TMEM178A: variants seen among roughly 807,000 people sequenced by gnomAD.
TMEM178A encodes transmembrane protein 178.
In TMEM178A, 12 loss-of-function variants were observed where a neutral mutation model predicts 29.1. The observed-to-expected ratio is 0.41, with a 90% CI of 0.26 to 0.67. TMEM178A has a LOEUF of 0.67. Ranked by LOEUF, TMEM178A falls within the 30% of genes least tolerant of loss-of-function variation. The pLI is 0.29. For synonymous variants in TMEM178A, 210 were observed against 187.2 expected, an observed-to-expected ratio of 1.12 and a Z score of -0.99; for missense variants, 366 against 419.1, an observed-to-expected ratio of 0.87 and a Z score of 1.11.
At chr2:39,712,044 TGTG>T (rs1205727446) in intron 3 of TMEM178A, among the ~76,000 whole-genome samples, 5 of 136,346 alleles carry the variant, frequency 3.7e-5, no homozygotes, top group African/African-American at 1.8e-4. Flanking sequence ...TTGCATTTTG[TGTG>T]TGTGTGTGTG....
At chr2:39,690,390 G>C (rs768260388) in intron 1 of TMEM178A, among the ~76,000 whole-genome samples, 2 of 152,188 alleles carry the variant, frequency 1.3e-5, no homozygotes, top group Non-Finnish European at 2.9e-5. Flanking sequence ...CTCAACTCTG[G>C]GATGCAGAGA....
chr2:39,725,138 T>C, the TMEM178A span, among the ~76,000 whole-genome samples: 1 of 151,952 alleles, frequency 6.6e-6, no homozygotes, highest in Admixed American at 6.5e-5. Flanking sequence ...GAAATGAAGA[T>C]GAGGAAAGAC....
Position 39,669,492 on chromosome 2 carries a change from C to T in TMEM178A, c.400+3118C>T, listed in dbSNP as rs543744623. Reference sequence around the variant, plus strand: ...ACTGGAGCTAGAAAAGCATTTATCTCAATGGGACAAGTATTTGGGAGAATC... The same window carrying T: ...ACTGGAGCTAGAAAAGCATTTATCTTAATGGGACAAGTATTTGGGAGAATC... On this transcript the variant is annotated intron_variant, in intron 1 of 3. Transcript: ENST00000281961. 2.0e-5 allele frequency among the ~76,000 whole-genome samples: 3 copies of T among 152,276 alleles called. No homozygotes were observed. In the South Asian group the frequency reaches 6.2e-4, roughly 32 times the overall value.
chr2:39,665,657 G>C, upstream of TMEM178A: 1 of 292,330 alleles, frequency 3.4e-6, no homozygotes, highest in African/African-American at 2.3e-5. Flanking sequence ...AGAGGGGCGA[G>C]AGGAGTGCGC....
chr2:39,708,870 C>T (rs922136402), intron 3 of TMEM178A, among the ~76,000 whole-genome samples: 2 of 152,198 alleles, frequency 1.3e-5, no homozygotes, highest in African/African-American at 4.8e-5. Flanking sequence ...AGAAATCTTT[C>T]CTTTCTTCTC....
At chr2:39,690,048 C>T (rs757426306) in intron 1 of TMEM178A, among the ~76,000 whole-genome samples, 12 of 152,180 alleles carry the variant, frequency 7.9e-5, no homozygotes, top group Non-Finnish European at 1.6e-4. Context: ...GTCCAAGATG[C>T]TCGCTTCTGC....
rs142168237 is a variant in TMEM178A, at chr2:39,702,243, A to G, written c.401-1838A>G. On this transcript the variant is annotated intron_variant, in intron 1 of 3. Transcript: ENST00000281961. The stretch of plus-strand genomic sequence containing the variant: ...TTAGTGACTTTCCTGAACGAATCCT[A>G]TGAAGTCTATATTCTTTGTCATAGG... 2.8e-3 allele frequency among the ~76,000 whole-genome samples: 420 copies of G among 152,222 alleles called. 4 individuals carry two copies. The highest frequency in any genetic ancestry group is 9.5e-3 in the African/African-American group (395 of 41,530).
At chr2:39,712,392 G>A (rs371576155) in intron 3 of TMEM178A, among the ~76,000 whole-genome samples, 14 of 152,004 alleles carry the variant, frequency 9.2e-5, no homozygotes, top group African/African-American at 2.7e-4. Flanking sequence ...CTTACCAGCC[G>A]GCATCATGAA....
At chr2:39,686,335 T>A (rs531042128) in intron 1 of TMEM178A, among the ~76,000 whole-genome samples, 33 of 152,218 alleles carry the variant, frequency 2.2e-4, no homozygotes, top group African/African-American at 7.7e-4. Context: ...ACAACAGAAG[T>A]GTTCTGGTAA....
intron 2 of TMEM178A, among the ~76,000 whole-genome samples, chr2:39,706,128 T>C (rs911437818): frequency 1.3e-5 from 2 of 152,220 alleles, no homozygotes; most frequent in Non-Finnish European, 2.9e-5. Context: ...GGAGGCAACT[T>C]GTGTCCAGGT....
At chr2:39,724,651 T>A in the TMEM178A span, among the ~76,000 whole-genome samples, 1 of 152,172 alleles carries the variant, frequency 6.6e-6, no homozygotes, top group Non-Finnish European at 1.5e-5. Flanking sequence ...GTGCAGTGAC[T>A]TAGAAAACAC....
intron 3 of TMEM178A, among the ~76,000 whole-genome samples, chr2:39,709,291 G>C (rs1378906253): frequency 6.6e-6 from 1 of 152,190 alleles, no homozygotes; most frequent in Non-Finnish European, 1.5e-5. Context: ...TCCACGAAAT[G>C]GTGCTGCAAT....
intron 1 of TMEM178A, among the ~76,000 whole-genome samples, chr2:39,671,870 A>C (rs967528851): frequency 1.3e-5 from 2 of 152,202 alleles, no homozygotes; most frequent in African/African-American, 4.8e-5. Flanking sequence ...TTCCTATCAC[A>C]GCTGAAATTC....
At chr2:39,682,912 T>G (rs933879400) in intron 1 of TMEM178A, among the ~76,000 whole-genome samples, 2 of 152,204 alleles carry the variant, frequency 1.3e-5, no homozygotes, top group Middle Eastern at 3.4e-3. Context: ...CCCACACAAT[T>G]CTCCTCTTCA....
chr2:39,666,614 C>T (rs557776381), intron 1 of TMEM178A, among the ~76,000 whole-genome samples: 66 of 152,056 alleles, frequency 4.3e-4, no homozygotes, highest in Non-Finnish European at 7.9e-4. Context: ...CTTTCAAGTC[C>T]GTGCCGCACC....
chr2:39,670,729 T>C (rs1470150593), intron 1 of TMEM178A, among the ~76,000 whole-genome samples: 1 of 152,262 alleles, frequency 6.6e-6, no homozygotes, highest in Non-Finnish European at 1.5e-5. Flanking sequence ...TAAACATTGA[T>C]GTGACTTGCA....
rs776026648 is a variant in TMEM178A at position 39,666,051 on chromosome 2, T to C, written c.77T>C (p.Ile26Thr). The part of the protein sequence containing the change: ...LCSLGLLVTA[I>T]FTDHWYETDP... ...TCCCTGGGGCTGCTCGTCACGGCCATCTTCACCGACCACTGGTACGAGACC... is the reference window on the plus strand; with the variant it reads ...TCCCTGGGGCTGCTCGTCACGGCCACCTTCACCGACCACTGGTACGAGACC... The change falls in exon 1 of 4, where the codon ATC becomes ACC. Residue 26 changes from isoleucine (I) to threonine (T), a missense_variant. Transcript: ENST00000281961. 6.4e-7 allele frequency: 1 copy of C among 1,562,826 alleles called. No individual in the cohort carries two copies. The highest frequency in any genetic ancestry group is 8.6e-7 in the Non-Finnish European group (1 of 1,158,118).
chr2:39,674,966 G>A (rs1408911189), intron 1 of TMEM178A, among the ~76,000 whole-genome samples: 1 of 152,184 alleles, frequency 6.6e-6, no homozygotes, highest in African/African-American at 2.4e-5. Flanking sequence ...ATACTATAAT[G>A]TGGGTGATAG....
chr2:39,687,347 C>G (rs1671126076), intron 1 of TMEM178A: 1 of 166,890 alleles, frequency 6.0e-6, no homozygotes, highest in South Asian at 2.1e-4. Context: ...CCCCTTTTCC[C>G]CACTCATAGA....
Sources: gnomAD v4.1 joint callset for allele counts (sites outside exome capture counted in the v4.1 genomes callset) on GRCh38, gnomAD v4.1.1 for gene constraint, MANE v1.5 for transcripts, NCBI Gene and HGNC (gene_info 2026-07-23, HGNC 2026-07-21) for gene names.